Variants in ROCK1 observed in about 807,000 individuals in gnomAD.
ROCK1 encodes rho-associated protein kinase 1.
In ROCK1, 36 loss-of-function variants were observed where a neutral mutation model predicts 196.8. That is an observed-to-expected ratio of 0.18 (90% CI 0.14 to 0.24). ROCK1 has a LOEUF of 0.24. Among genes scored for constraint, ROCK1 ranks in the 10% least tolerant of loss-of-function variants. The probability of loss-of-function intolerance (pLI) is 1.00; values close to 1 mark genes in which losing one functional copy is unlikely to be tolerated. For synonymous variants in ROCK1, 443 were observed against 515.9 expected, an observed-to-expected ratio of 0.86 and a Z score of 1.91; for missense variants, 920 against 1,562.0, an observed-to-expected ratio of 0.59 and a Z score of 6.93.
In ROCK1 at chr18:20,951,079, T is replaced by G. The variant is rs542019015; in HGVS notation, c.*305A>C. 7.8e-4 allele frequency: 211 copies of G among 271,586 alleles called. 4 individuals carry two copies. The Admixed American group carries it at 9.8e-3, about 13-fold the overall frequency. The allele number at this position is 271,586 out of a possible 1,614,324, so 16.8% of individuals were successfully genotyped here. A position where few individuals can be genotyped will look rare whatever the true frequency, so the allele number is the denominator to read the frequency against. ...GAGGAAAACTCTGTTCTATCACGAC[T>G]GACAGGCATTTTCTTATAAATCCAA... On this transcript the variant is annotated 3_prime_UTR_variant, in exon 33 of 33. Transcript: ENST00000399799.
At chr18:21,005,720 T>C (rs2035762764) in intron 16 of ROCK1, among the ~76,000 whole-genome samples, 1 of 151,936 alleles carries the variant, frequency 6.6e-6, no homozygotes, top group African/African-American at 2.4e-5. Context: ...CTACAAAAAA[T>C]GCAAAAATTA....
At chr18:20,952,592 A>G (rs1434845607) in intron 32 of ROCK1, among the ~76,000 whole-genome samples, 1 of 152,066 alleles carries the variant, frequency 6.6e-6, no homozygotes, top group Non-Finnish European at 1.5e-5. Flanking sequence ...AGCCTGGCCA[A>G]CATGATGAAA....
Position 21,108,186 on chromosome 18 carries a change from G to A in ROCK1, c.93+2632C>T, listed in dbSNP as rs142602263. ...AGGACAAGATTATAAGATTTGAAGG[G>A]GAAAAAACAACCAAATCTGTCTGTT... On this transcript the variant is annotated intron_variant, in intron 1 of 32. Coordinates refer to ENST00000399799, the MANE Select transcript of ROCK1 (RefSeq NM_005406.3). Among the ~76,000 whole-genome samples, 177 of 152,172 alleles carry A rather than the reference G, an allele frequency of 1.2e-3. 2 individuals carry two copies. The highest frequency in any genetic ancestry group is 3.4e-3 in the Middle Eastern group (1 of 294).
intron 29 of ROCK1, among the ~76,000 whole-genome samples, chr18:20,955,996 G>A (rs1048107007): frequency 2.0e-5 from 3 of 152,232 alleles, no homozygotes; most frequent in Non-Finnish European, 4.4e-5. Context: ...ACTTGTGATG[G>A]AATTGTTCTG....
chr18:20,968,982 T>C, intron 24 of ROCK1, 122 bp from the exon 25 acceptor site: 1 of 891,454 alleles, frequency 1.1e-6, no homozygotes, highest in Non-Finnish European at 1.7e-6. Flanking sequence ...AGTAACTTCA[T>C]TAAGATAATT....
At chr18:21,088,813 T>C (rs1276121946) in intron 1 of ROCK1, among the ~76,000 whole-genome samples, 2 of 152,144 alleles carry the variant, frequency 1.3e-5, no homozygotes, top group Non-Finnish European at 2.9e-5. Context: ...CCCTCCCTTC[T>C]GGAGGATGCA....
chr18:20,967,714 C>G (rs766702102), intron 26 of ROCK1, 38 bp downstream of exon 26: 1 of 1,398,034 alleles, frequency 7.2e-7, no homozygotes, highest in East Asian at 2.4e-5. Flanking sequence ...AGAAAATAAT[C>G]CTTCACACTC....
chr18:21,090,476 C>G (rs1388144571), intron 1 of ROCK1, among the ~76,000 whole-genome samples: 1 of 152,070 alleles, frequency 6.6e-6, no homozygotes, highest in African/African-American at 2.4e-5. Flanking sequence ...GACTCTGTAT[C>G]AAAAAACACA....
At chr18:21,058,084 C>T (rs2036259285) in intron 2 of ROCK1, among the ~76,000 whole-genome samples, 1 of 151,950 alleles carries the variant, frequency 6.6e-6, no homozygotes, top group Non-Finnish European at 1.5e-5. Flanking sequence ...AAACTGTATA[C>T]AGTATATGAA....
At position 21,087,284 on chromosome 18, in the gene ROCK1, A is replaced by C. The variant is rs1330279757; in HGVS notation, c.94-16671T>G. 2.6e-5 allele frequency among the ~76,000 whole-genome samples: 4 copies of C among 152,316 alleles called. No individual in the cohort carries two copies. The Middle Eastern group carries it at 0.01, about 389-fold the overall frequency. ...ACAGATACAAAAAACAGGGAGGTAA[A>C]AACAGAAAAGAAAGAATATAACAGC... On this transcript the variant is annotated intron_variant, in intron 1 of 32. Transcript: ENST00000399799.
At chr18:20,999,818 G>T (rs1033235015) in intron 16 of ROCK1, among the ~76,000 whole-genome samples, 4 of 152,160 alleles carry the variant, frequency 2.6e-5, no homozygotes, top group Non-Finnish European at 5.9e-5. Flanking sequence ...GTAGAGACAG[G>T]CTTCGCCATG....
chr18:20,983,660 T>C (rs1258994892), intron 20 of ROCK1, among the ~76,000 whole-genome samples: 2 of 152,010 alleles, frequency 1.3e-5, no homozygotes, highest in Non-Finnish European at 2.9e-5. Flanking sequence ...GAGAGTATTT[T>C]TGGAGAAAAA....
At chr18:21,068,881 T>C (rs530558045) in intron 2 of ROCK1, among the ~76,000 whole-genome samples, 1 of 152,284 alleles carries the variant, frequency 6.6e-6, no homozygotes, top group East Asian at 1.9e-4. Context: ...TCTTGAGGAT[T>C]TTCTATATGG....
chr18:21,107,133 T>G (rs1470079012), intron 1 of ROCK1, among the ~76,000 whole-genome samples: 3 of 152,260 alleles, frequency 2.0e-5, no homozygotes, highest in Non-Finnish European at 4.4e-5. Context: ...AACAAAGTTC[T>G]GACTGCATTT....
chr18:21,022,723 G>A (rs1409259255), intron 11 of ROCK1, among the ~76,000 whole-genome samples: 1 of 152,060 alleles, frequency 6.6e-6, no homozygotes, highest in African/African-American at 2.4e-5. Context: ...TAGGGCAATG[G>A]CTTCCCACTC....
chr18:21,060,430 T>C (rs1439609576), intron 2 of ROCK1, among the ~76,000 whole-genome samples: 1 of 152,188 alleles, frequency 6.6e-6, no homozygotes, highest in Non-Finnish European at 1.5e-5. Flanking sequence ...TATAATAAAA[T>C]GGTATAGCCA....
intron 1 of ROCK1, among the ~76,000 whole-genome samples, chr18:21,081,211 G>C (rs551064906): frequency 2.0e-5 from 3 of 152,072 alleles, no homozygotes; most frequent in Non-Finnish European, 2.9e-5. Context: ...ACAATAATAG[G>C]GGAAAACTGG....
At chr18:20,958,919 T>TATATTATATAAAAAATAATATATATA (rs1374600364) in intron 29 of ROCK1, among the ~76,000 whole-genome samples, 9 of 101,434 alleles carry the variant, frequency 8.9e-5, no homozygotes, top group African/African-American at 3.0e-4. Flanking sequence ...ATTTTATATA[T>TATATTATATAAAAAATAATATATATA]TTTATATATA....
chr18:21,080,832 T>C (rs1285756415), intron 1 of ROCK1, among the ~76,000 whole-genome samples: 1 of 152,188 alleles, frequency 6.6e-6, no homozygotes, highest in East Asian at 1.9e-4. Context: ...ATATGTACAT[T>C]TGGTATATAA....
Sources: gnomAD v4.1 joint callset for allele counts (sites outside exome capture counted in the v4.1 genomes callset) on GRCh38, gnomAD v4.1.1 for gene constraint, MANE v1.5 for transcripts, NCBI Gene and HGNC (gene_info 2026-07-23, HGNC 2026-07-21) for gene names.